Variants in AZIN2 observed in about 807,000 individuals in gnomAD.
The protein encoded by AZIN2 is ODC antizyme inhibitor-2.
AZIN2 carries 28 observed loss-of-function variants against 47.8 expected under a neutral mutation model. The observed-to-expected ratio is 0.59, with a 90% CI of 0.43 to 0.80. The LOEUF (loss-of-function observed/expected upper bound fraction) is 0.80. Ranked by LOEUF, AZIN2 falls within the 30% of genes least tolerant of loss-of-function variation. The pLI, the probability that AZIN2 is intolerant of heterozygous loss-of-function variation, is 0.00. For missense variants in AZIN2, 535 were observed against 582.5 expected (o/e 0.92, Z 0.84); for synonymous variants, 221 against 239.4 (o/e 0.92, Z 0.71).
intron 9 of AZIN2, among the ~76,000 whole-genome samples, chr1:33,097,670 G>A (rs974411655): frequency 5.9e-5 from 9 of 152,150 alleles, no homozygotes; most frequent in Non-Finnish European, 1.2e-4. Context: ...ATAGACCTGG[G>A]GGATTGTCCC....
At chr1:33,164,694 G>A in the AZIN2 span, 3 of 152,276 alleles carry the variant, frequency 2.0e-5, no homozygotes, top group Non-Finnish European at 4.4e-5. Context: ...AAGGGGAGAT[G>A]ATACCAGGGC....
At chr1:33,123,780 C>T (rs528833955), downstream of AZIN2, among the ~76,000 whole-genome samples, 2 of 152,160 alleles carry the variant, frequency 1.3e-5, no homozygotes, top group Admixed American at 6.5e-5. Flanking sequence ...AGGCGGATCA[C>T]GAGGTCAGGA....
the AZIN2 span, chr1:33,165,642 C>T: frequency 1.3e-4 from 169 of 1,319,392 alleles, no homozygotes; most frequent in African/African-American, 2.2e-4. This position sits in a 1 kb window ranked among gnomAD's most constrained non-coding sequence, Gnocchi z 4.0. Context: ...CACTGCCAGG[C>T]GCTGGGGGTT....
At chr1:33,126,317 C>G (rs1021355109), downstream of AZIN2, among the ~76,000 whole-genome samples, 2 of 152,152 alleles carry the variant, frequency 1.3e-5, no homozygotes, top group African/African-American at 4.8e-5. Flanking sequence ...TTTCATGCAT[C>G]CTGTATTTGT....
At chr1:33,091,457 C>G (rs1339843677) in intron 5 of AZIN2, among the ~76,000 whole-genome samples, 15 of 152,194 alleles carry the variant, frequency 9.9e-5, no homozygotes, top group Admixed American at 9.8e-4. Context: ...CCAGGCTGGT[C>G]TCAAGCTCCT....
chr1:33,082,100 G>A, intron 3 of AZIN2, 78 bp from the exon 4 acceptor site: 1 of 678,300 alleles, frequency 1.5e-6, no homozygotes, highest in Non-Finnish European at 2.6e-6. Context: ...ACGGGATTGG[G>A]ATCCCTGGCC....
chr1:33,085,194 A>G (rs1359224095), intron 5 of AZIN2, among the ~76,000 whole-genome samples: 1 of 152,134 alleles, frequency 6.6e-6, no homozygotes, highest in Non-Finnish European at 1.5e-5. Flanking sequence ...TGAACAAAAT[A>G]AAACAACAAA....
chr1:33,120,111 C>T lies in AZIN2; in HGVS notation c.1312C>T (p.Leu438=), dbSNP rs149956865. 2 of 1,613,910 alleles carry T rather than the reference C, an allele frequency of 1.2e-6. No homozygotes were observed. Among genetic ancestry groups the T allele is most frequent in the African/African-American group, 2.7e-5 (2 of 74,926 alleles). The part of the protein sequence containing the change: ...EDDVEGVCKP[L]SCGWEITDTL... ...TGACGTGGAGGGTGTGTGCAAGCCT[C>T]TGTCCTGCGGCTGGGAGATCACAGA... The change falls in exon 12 of 12, where the codon CTG becomes TTG. Residue 438 remains leucine (L), a synonymous_variant. Coordinates refer to ENST00000294517, the MANE Select transcript of AZIN2 (RefSeq NM_052998.4).
At chr1:33,085,775 C>T (rs985091979) in intron 5 of AZIN2, among the ~76,000 whole-genome samples, 1 of 152,052 alleles carries the variant, frequency 6.6e-6, no homozygotes, top group African/African-American at 2.4e-5. Context: ...TTGCACACCT[C>T]GTTTTGTGCA....
chr1:33,165,574 A>G, the AZIN2 span: 3 of 1,601,908 alleles, frequency 1.9e-6, no homozygotes, highest in Non-Finnish European at 1.7e-6. The surrounding 1 kb of genome is among the most constrained non-coding windows in gnomAD (Gnocchi z 4.0). Flanking sequence ...CCTCTGAAAC[A>G]CACACAGGGC....
At chr1:33,147,441 G>A in the AZIN2 span, 2 of 1,614,064 alleles carry the variant, frequency 1.2e-6, no homozygotes, top group Non-Finnish European at 1.7e-6. The surrounding 1 kb of genome is among the most constrained non-coding windows in gnomAD (Gnocchi z 8.1). Context: ...GCATCACGAT[G>A]CAGTAGAAGC....
chr1:33,158,108 A>T, the AZIN2 span: 2 of 653,628 alleles, frequency 3.1e-6, no homozygotes, highest in Non-Finnish European at 5.4e-6. Context: ...GCAGGTGCCC[A>T]GGACAGGTCC....
chr1:33,127,799 A>G (rs1489992859), downstream of AZIN2, among the ~76,000 whole-genome samples: 1 of 152,334 alleles, frequency 6.6e-6, no homozygotes, highest in South Asian at 2.1e-4. Context: ...CTCTAGGCCA[A>G]GGAGTTTTAC....
chr1:33,082,214 CG>C lies in AZIN2; in HGVS notation c.-34del. ...CTTTCTAAGGCGGCGGCTGCAGCAG[CG>C]GCTCCATCCAGCCCGTCAGCTCCTC... is the stretch of plus-strand genomic sequence containing the variant. On this transcript the variant is annotated 5_prime_UTR_variant, in exon 4 of 12. Coordinates refer to ENST00000294517, the MANE Select transcript of AZIN2 (RefSeq NM_052998.4). 2 of 1,560,896 alleles carry C rather than the reference CG, an allele frequency of 1.3e-6. No homozygotes were observed. The highest frequency in any genetic ancestry group is 8.8e-7 in the Non-Finnish European group (1 of 1,133,334).
chr1:33,147,396 G>A, the AZIN2 span: 1 of 1,614,158 alleles, frequency 6.2e-7, no homozygotes, highest in Non-Finnish European at 8.5e-7. This position sits in a 1 kb window ranked among gnomAD's most constrained non-coding sequence, Gnocchi z 8.1. Flanking sequence ...GCCGCGTCCA[G>A]GGCTCCGTGC....
the AZIN2 span, among the ~76,000 whole-genome samples, chr1:33,130,475 G>C: frequency 6.6e-6 from 1 of 152,180 alleles, no homozygotes; most frequent in Non-Finnish European, 1.5e-5. Flanking sequence ...AGGTCTATGT[G>C]TCAAAGAACA....
chr1:33,166,567 A>G, the AZIN2 span, among the ~76,000 whole-genome samples: 1 of 152,068 alleles, frequency 6.6e-6, no homozygotes, highest in African/African-American at 2.4e-5. Context: ...TATTATCTCC[A>G]TCTTCTGATG....
intron 10 of AZIN2, among the ~76,000 whole-genome samples, chr1:33,116,744 G>C (rs1644560052): frequency 6.6e-6 from 1 of 152,192 alleles, no homozygotes. Context: ...GGAGCTTTAG[G>C]AAAGGCTTCC....
chr1:33,117,879 A>G, intron 10 of AZIN2, 23 bp from the exon 11 acceptor site: 1 of 1,613,822 alleles, frequency 6.2e-7, no homozygotes, highest in Non-Finnish European at 8.5e-7. Context: ...GAGAGCTGGC[A>G]TGGCCATCCC....
Sources: gnomAD v4.1 joint callset for allele counts (sites outside exome capture counted in the v4.1 genomes callset) on GRCh38, gnomAD v4.1.1 for gene constraint, Gnocchi (gnomAD v3.1) non-coding constraint, MANE v1.5 for transcripts, NCBI Gene and HGNC (gene_info 2026-07-23, HGNC 2026-07-21) for gene names.